PCDH9: variants seen among roughly 807,000 people sequenced by gnomAD.
PCDH9 encodes the protein protocadherin-9.
PCDH9 carries 24 observed loss-of-function variants against 70.6 expected under a neutral mutation model. The observed-to-expected ratio is 0.34, with a 90% CI of 0.25 to 0.48. PCDH9 has a LOEUF of 0.48. Ranked by LOEUF, PCDH9 falls within the 20% of genes least tolerant of loss-of-function variation. The pLI, the probability that PCDH9 is intolerant of heterozygous loss-of-function variation, is 0.99. For missense variants in PCDH9, 1,281 were observed against 1,503.6 expected (o/e 0.85, Z 2.45); for synonymous variants, 562 against 558.5 (o/e 1.01, Z -0.09).
intron 3 of PCDH9, among the ~76,000 whole-genome samples, chr13:66,845,224 G>T (rs1480227594): frequency 6.6e-6 from 1 of 152,176 alleles, no homozygotes; most frequent in Non-Finnish European, 1.5e-5. Flanking sequence ...CTAAGGGGCA[G>T]CTGTAGGCCA....
intron 4 of PCDH9, among the ~76,000 whole-genome samples, chr13:66,572,405 T>G (rs2076745382): frequency 6.6e-6 from 1 of 152,088 alleles, no homozygotes; most frequent in Admixed American, 6.6e-5. Flanking sequence ...ACCACTCTAC[T>G]CTCTACCTCC....
At chr13:66,483,921 G>GT (rs1351331656) in intron 4 of PCDH9, among the ~76,000 whole-genome samples, 4 of 150,720 alleles carry the variant, frequency 2.7e-5, no homozygotes, top group African/African-American at 9.7e-5. Context: ...AAGACACAAG[G>GT]TGTTGTATGG....
intron 2 of PCDH9, among the ~76,000 whole-genome samples, chr13:67,130,783 G>C (rs9564370): frequency 0.99 from 150,512 of 152,142 alleles, 74,468 homozygotes; most frequent in Middle Eastern, 1. Context: ...CCCTCCCACC[G>C]ATACCTATAA....
chr13:66,422,561 T>C (rs759340860), intron 4 of PCDH9, among the ~76,000 whole-genome samples: 1 of 152,166 alleles, frequency 6.6e-6, no homozygotes, highest in Non-Finnish European at 1.5e-5. Context: ...GACTGCTGGG[T>C]AAATAACAAA....
At chr13:66,493,429 T>C (rs1167022736) in intron 4 of PCDH9, among the ~76,000 whole-genome samples, 1 of 152,194 alleles carries the variant, frequency 6.6e-6, no homozygotes, top group African/African-American at 2.4e-5. Flanking sequence ...TATCTATATG[T>C]TATTTGACAT....
chr13:66,891,219 T>C (rs2082090550), intron 3 of PCDH9, among the ~76,000 whole-genome samples: 1 of 152,102 alleles, frequency 6.6e-6, no homozygotes, highest in African/African-American at 2.4e-5. Flanking sequence ...ATATCTTGAA[T>C]ATAAATTTGG....
chr13:66,935,822 T>C lies in PCDH9; in HGVS notation c.3037-32217A>G, dbSNP rs192001631. On this transcript the variant is annotated intron_variant, in intron 2 of 4. Transcript: ENST00000377865. ...GCAGCCGGGCACCATGGCTCATGCC[T>C]GTAATCTCAGCACTTTGGAAAGCTG... Among the ~76,000 whole-genome samples, 5 of 152,256 alleles carry C rather than the reference T, an allele frequency of 3.3e-5. No homozygotes were observed. In the South Asian group the frequency reaches 6.2e-4, roughly 19 times the overall value.
chr13:66,431,892 C>T (rs1281238837), intron 4 of PCDH9, among the ~76,000 whole-genome samples: 1 of 151,902 alleles, frequency 6.6e-6, no homozygotes, highest in Non-Finnish European at 1.5e-5. Flanking sequence ...TGGAAAAAGA[C>T]AAGTGGAATG....
intron 2 of PCDH9, among the ~76,000 whole-genome samples, chr13:67,102,134 G>A (rs1221794464): frequency 6.6e-6 from 1 of 152,044 alleles, no homozygotes; most frequent in African/African-American, 2.4e-5. Context: ...AAGTCCTTTA[G>A]AGCTTCAGTT....
chr13:66,792,313 T>C (rs2080175929), intron 3 of PCDH9, among the ~76,000 whole-genome samples: 1 of 152,150 alleles, frequency 6.6e-6, no homozygotes, highest in Admixed American at 6.5e-5. Context: ...ATAGAACATA[T>C]GTATACATTG....
At chr13:66,972,080 T>A (rs983958932) in intron 2 of PCDH9, among the ~76,000 whole-genome samples, 4 of 151,992 alleles carry the variant, frequency 2.6e-5, no homozygotes, top group African/African-American at 9.7e-5. Context: ...ACTGTTTGCA[T>A]CTGAATCTTA....
chr13:66,658,484 C>T (rs1460765416), intron 3 of PCDH9, among the ~76,000 whole-genome samples: 4 of 152,168 alleles, frequency 2.6e-5, no homozygotes, highest in African/African-American at 9.6e-5. Context: ...TTCCTCAAAA[C>T]TTTCATGAAT....
At position 66,638,388 on chromosome 13, in the gene PCDH9, C is replaced by T. The variant is rs147735808; in HGVS notation, c.3139-6977G>A. 4.4e-3 allele frequency among the ~76,000 whole-genome samples: 664 copies of T among 152,048 alleles called. 3 individuals carry two copies. The highest frequency in any genetic ancestry group is 7.5e-3 in the Non-Finnish European group (508 of 67,970). On this transcript the variant is annotated intron_variant, in intron 3 of 4. Coordinates refer to ENST00000377865, the MANE Select transcript of PCDH9 (RefSeq NM_203487.3). ...AGAAATCTAGGTAAGAAAAAAAAGG[C>T]GAAGGGACTGTATTCTGAGTTTATG...
At chr13:66,378,002 A>T (rs986131945) in intron 4 of PCDH9, among the ~76,000 whole-genome samples, 10 of 152,228 alleles carry the variant, frequency 6.6e-5, no homozygotes, top group African/African-American at 1.9e-4. Context: ...TAAATGTATC[A>T]TTCTGTTAAT....
chr13:67,107,353 C>A (rs2086568281), intron 2 of PCDH9, among the ~76,000 whole-genome samples: 1 of 152,172 alleles, frequency 6.6e-6, no homozygotes, highest in Admixed American at 6.5e-5. Context: ...ATGGGCCTGC[C>A]CATGGCCACC....
At chr13:66,738,231 C>G (rs1319637029) in intron 3 of PCDH9, among the ~76,000 whole-genome samples, 1 of 151,324 alleles carries the variant, frequency 6.6e-6, no homozygotes, top group East Asian at 2.0e-4. Context: ...AGCAGGGGCA[C>G]ACTGACACCT....
At chr13:66,607,444 A>G (rs2077235254) in intron 4 of PCDH9, among the ~76,000 whole-genome samples, 1 of 152,084 alleles carries the variant, frequency 6.6e-6, no homozygotes, top group African/African-American at 2.4e-5. Flanking sequence ...TGTTGTGGTA[A>G]TTACAGTCTT....
At chr13:67,054,996 T>C (rs1404105641) in intron 2 of PCDH9, among the ~76,000 whole-genome samples, 1 of 152,216 alleles carries the variant, frequency 6.6e-6, no homozygotes, top group Non-Finnish European at 1.5e-5. Context: ...TTTAAATTTA[T>C]CTTGAGGGTC....
At chr13:66,441,977 C>T (rs1191598245) in intron 4 of PCDH9, among the ~76,000 whole-genome samples, 2 of 152,192 alleles carry the variant, frequency 1.3e-5, no homozygotes, top group East Asian at 3.9e-4. Context: ...TTCCATTACT[C>T]CAGAGGAATA....
Sources: gnomAD v4.1 joint callset for allele counts (sites outside exome capture counted in the v4.1 genomes callset) on GRCh38, gnomAD v4.1.1 for gene constraint, MANE v1.5 for transcripts, NCBI Gene and HGNC (gene_info 2026-07-23, HGNC 2026-07-21) for gene names.